The following PON2 variants were observed in gnomAD, a reference collection of about 807,000 sequenced individuals.
PON2 encodes serum paraoxonase/arylesterase 2.
In PON2, 27 loss-of-function variants were observed where a neutral mutation model predicts 36.6. The observed-to-expected ratio is 0.74, with a 90% CI of 0.54 to 1.02. The LOEUF (loss-of-function observed/expected upper bound fraction) is 1.02, where lower values mean the gene tolerates loss of function less well. PON2 is among the 50% of genes least tolerant of loss of function. PON2 has a pLI of 0.00. For missense variants in PON2, 363 were observed against 421.1 expected (o/e 0.86, Z 1.21); for synonymous variants, 149 against 156.3 (o/e 0.95, Z 0.35).
chr7:95,410,175 A>G, intron 5 of PON2, 74 bp from the exon 6 acceptor site: 1 of 1,249,982 alleles, frequency 8.0e-7, no homozygotes. Context: ...AAGTACTCAT[A>G]AGATTTATGC....
At chr7:95,430,455 C>T (rs1031642288) in intron 1 of PON2, among the ~76,000 whole-genome samples, 1 of 151,954 alleles carries the variant, frequency 6.6e-6, no homozygotes, top group African/African-American at 2.4e-5. Flanking sequence ...CATGTGCCAC[C>T]GTGCCTGGCT....
intron 6 of PON2, among the ~76,000 whole-genome samples, chr7:95,409,228 C>T (rs1809794813): frequency 6.6e-6 from 1 of 152,080 alleles, no homozygotes; most frequent in African/African-American, 2.4e-5. Flanking sequence ...AGGAGAATCA[C>T]TTGAACCCAG....
In PON2 at chr7:95,418,217, A is replaced by C. The variant is rs376921339; in HGVS notation, c.146-1920T>G. On this transcript the variant is annotated intron_variant, in intron 2 of 8. Transcript: ENST00000222572. Reference sequence around the variant, plus strand: ...TGCTAGAGAAATTTTTGCTCCTCTAATTTAATAATAATAACTAACATACAT... The same window carrying C: ...TGCTAGAGAAATTTTTGCTCCTCTACTTTAATAATAATAACTAACATACAT... 3 of 152,198 alleles carry C rather than the reference A, an allele frequency of 2.0e-5. No individual in the cohort carries two copies. The East Asian group carries it at 5.8e-4, about 29-fold the overall frequency. 9.4% of individuals were successfully genotyped at this position (152,198 alleles called of 1,614,324 possible). A position where few individuals can be genotyped will look rare whatever the true frequency, so the allele number is the denominator to read the frequency against.
chr7:95,405,602 A>C, intron 8 of PON2, 114 bp from the exon 9 acceptor site: 6 of 1,010,798 alleles, frequency 5.9e-6, no homozygotes, highest in Non-Finnish European at 9.3e-6. Context: ...ATGCTGTTGA[A>C]AATAGCAGTT....
At position 95,428,674 on chromosome 7, in the gene PON2, TA is replaced by T. The variant is rs1267124753; in HGVS notation, c.75-4090del. On this transcript the variant is annotated intron_variant, in intron 1 of 8. Transcript: ENST00000222572. ...AAAAGCATATTATATCATAGATTTT[TA>T]AATAGCTTGGTAGCAGTATTTAATT... Among the ~76,000 whole-genome samples, 5 of 152,248 alleles carry T rather than the reference TA, an allele frequency of 3.3e-5. No individual in the cohort carries two copies. In the South Asian group the frequency reaches 8.3e-4, roughly 25 times the overall value.
intron 2 of PON2, among the ~76,000 whole-genome samples, chr7:95,419,969 T>A (rs1369915305): frequency 6.6e-6 from 1 of 152,192 alleles, no homozygotes; most frequent in Non-Finnish European, 1.5e-5. Flanking sequence ...GAGCATCCCA[T>A]ATGTAACATA....
At chr7:95,418,575 C>T (rs1373164971) in intron 2 of PON2, among the ~76,000 whole-genome samples, 1 of 152,200 alleles carries the variant, frequency 6.6e-6, no homozygotes, top group Non-Finnish European at 1.5e-5. Flanking sequence ...AACATCTTTA[C>T]CAATGAATAT....
intron 6 of PON2, among the ~76,000 whole-genome samples, chr7:95,407,819 G>A (rs12155103): frequency 0.27 from 40,728 of 151,948 alleles, 5,880 homozygotes; most frequent in South Asian, 0.36. Context: ...GCTAACTTCC[G>A]AGGACACAGA....
intron 5 of PON2, among the ~76,000 whole-genome samples, chr7:95,410,682 T>TG (rs1188310912): frequency 6.6e-6 from 1 of 152,022 alleles, no homozygotes; most frequent in Non-Finnish European, 1.5e-5. Context: ...ATGCTTCAGG[T>TG]GAGAGATTTA....
intron 1 of PON2, among the ~76,000 whole-genome samples, chr7:95,427,026 T>A (rs1274326099): frequency 6.6e-6 from 1 of 152,210 alleles, no homozygotes; most frequent in Non-Finnish European, 1.5e-5. Context: ...AATAGGGCAA[T>A]CTTCATCAAC....
At chr7:95,427,460 T>C (rs1424632682) in intron 1 of PON2, among the ~76,000 whole-genome samples, 2 of 152,190 alleles carry the variant, frequency 1.3e-5, no homozygotes, top group Non-Finnish European at 2.9e-5. Context: ...GACACTGTGT[T>C]CTAGATACAA....
chr7:95,409,905 C>G lies in PON2; in HGVS notation c.691G>C (p.Asp231His). 6.2e-6 allele frequency: 10 copies of G among 1,612,592 alleles called. No individual in the cohort carries two copies. The highest frequency in any genetic ancestry group is 8.5e-6 in the Non-Finnish European group (10 of 1,179,476). The change falls in exon 6 of 9, where the codon GAT becomes CAT. Residue 231 changes from aspartate to histidine, a missense_variant. Asp to His is a moderately conservative substitution (Grantham distance 81). Coordinates refer to ENST00000222572, the MANE Select transcript of PON2 (RefSeq NM_000305.3). Reference sequence around the variant, plus strand: ...ATATTCTATAAGGGGCCATACTTATCATCAGGTGAAATATTGATCCCATTT... The same window carrying G: ...ATATTCTATAAGGGGCCATACTTATGATCAGGTGAAATATTGATCCCATTT... ...SANGINISPD[D>H]KYIYVADILA...
At chr7:95,414,641 TAAAC>T (rs1789019449) in intron 3 of PON2, among the ~76,000 whole-genome samples, 1 of 152,018 alleles carries the variant, frequency 6.6e-6, no homozygotes, top group Non-Finnish European at 1.5e-5. Flanking sequence ...AAAACACAAA[TAAAC>T]AAATAAAAAA....
In PON2 at chr7:95,404,998, A is replaced by G. The variant is rs1483035248; in HGVS notation, c.*332T>C. On this transcript the variant is annotated 3_prime_UTR_variant, in exon 9 of 9. Transcript: ENST00000222572. ...CAGTGCCAGAAGTGAGGTCACTCAC[A>G]TTTTAAGGAAATATAATTCACTCTA... 4 of 265,956 alleles carry G rather than the reference A, an allele frequency of 1.5e-5. No homozygotes were observed. The highest frequency in any genetic ancestry group is 3.0e-5 in the Non-Finnish European group (4 of 134,462). 16.5% of individuals were successfully genotyped at this position (265,956 alleles called of 1,614,324 possible). A position where few individuals can be genotyped will look rare whatever the true frequency, so the allele number is the denominator to read the frequency against.
At chr7:95,411,627 A>G (rs767256644) in intron 5 of PON2, 26 bp downstream of exon 5, 5 of 1,613,472 alleles carry the variant, frequency 3.1e-6, no homozygotes, top group Non-Finnish European at 8.5e-7. Flanking sequence ...GGGATAAATT[A>G]GAGAAGGAAC....
chr7:95,427,530 AAC>A (rs1789343501), intron 1 of PON2, among the ~76,000 whole-genome samples: 2 of 152,180 alleles, frequency 1.3e-5, no homozygotes, highest in Non-Finnish European at 2.9e-5. Context: ...TCATGATTTG[AAC>A]ACACACGCAG....
chr7:95,416,176 C>G, intron 3 of PON2, 66 bp downstream of exon 3: 6 of 1,609,982 alleles, frequency 3.7e-6, no homozygotes, highest in Non-Finnish European at 5.1e-6. Context: ...ACTTACTGTT[C>G]TGCAGCCCTC....
intron 2 of PON2, among the ~76,000 whole-genome samples, chr7:95,423,746 C>T (rs1224998721): frequency 6.6e-6 from 1 of 152,114 alleles, no homozygotes; most frequent in Non-Finnish European, 1.5e-5. Flanking sequence ...TAAAGACATA[C>T]CTGAGACCGG....
chr7:95,409,609 A>G (rs1585746613), intron 6 of PON2: 1 of 151,194 alleles, frequency 6.6e-6, no homozygotes, highest in East Asian at 1.9e-4. Flanking sequence ...ATTAAATTTG[A>G]CAATGATGTA....
Sources: gnomAD v4.1 joint callset for allele counts (sites outside exome capture counted in the v4.1 genomes callset) on GRCh38, gnomAD v4.1.1 for gene constraint, MANE v1.5 for transcripts, NCBI Gene and HGNC (gene_info 2026-07-23, HGNC 2026-07-21) for gene names.